The following LHPP variants were observed in gnomAD, a reference collection of about 807,000 sequenced individuals.
LHPP encodes phospholysine phosphohistidine inorganic pyrophosphate phosphatase.
LHPP carries 24 observed loss-of-function variants against 30.3 expected under a neutral mutation model. The ratio of observed to expected loss-of-function variants is 0.79; its 90% CI spans 0.57 to 1.11. The LOEUF (loss-of-function observed/expected upper bound fraction) is 1.11, where lower values mean the gene tolerates loss of function less well. LHPP is among the 50% of genes most tolerant of loss of function. The probability of loss-of-function intolerance (pLI) is 0.00; values close to 1 mark genes in which losing one functional copy is unlikely to be tolerated. For synonymous variants in LHPP, 150 were observed against 157.1 expected (o/e 0.95, Z 0.34); for missense variants, 356 against 367.2 (o/e 0.97, Z 0.25).
At chr10:124,546,044 G>A (rs1955330823) in intron 6 of LHPP, 2 of 152,060 alleles carry the variant, frequency 1.3e-5, no homozygotes, top group Admixed American at 1.3e-4. Flanking sequence ...CCAAGCTGGT[G>A]GGAAGGCCCT....
chr10:124,559,110 C>G (rs11245289), intron 6 of LHPP, among the ~76,000 whole-genome samples: 1 of 151,872 alleles, frequency 6.6e-6, no homozygotes, highest in Non-Finnish European at 1.5e-5. Context: ...CACCTATGTG[C>G]AAAGAAGTTG....
In LHPP at chr10:124,590,940, TCA is replaced by T. The variant is rs1450874654; in HGVS notation, c.717-22323_717-22322del. On this transcript the variant is annotated intron_variant, in intron 6 of 6. Coordinates refer to ENST00000368842, the MANE Select transcript of LHPP (RefSeq NM_022126.4). This position sits in a 1 kb window ranked among gnomAD's most constrained non-coding sequence, Gnocchi z 4.3. ...CTTTCCAGGAAACAGGATCCCTGTC[TCA>T]GACAGAAGCAGTCTCGCCCATCCTG... Among the ~76,000 whole-genome samples, 15 of 152,222 alleles carry T rather than the reference TCA, an allele frequency of 9.9e-5. No individual in the cohort carries two copies. The highest frequency in any genetic ancestry group is 8.5e-4 in the Admixed American group (13 of 15,288).
intron 6 of LHPP, among the ~76,000 whole-genome samples, chr10:124,604,165 T>A (rs1363940833): frequency 2.0e-5 from 3 of 152,184 alleles, no homozygotes; most frequent in Non-Finnish European, 4.4e-5. Flanking sequence ...TCTGGGCATG[T>A]CATTCCCCGA....
At chr10:124,528,703 G>GA (rs1289641108) in intron 6 of LHPP, among the ~76,000 whole-genome samples, 1 of 152,218 alleles carries the variant, frequency 6.6e-6, no homozygotes, top group African/African-American at 2.4e-5. Flanking sequence ...CTGCCCACGG[G>GA]AGGAGGCCCA....
chr10:124,561,527 GC>G (rs201382794), intron 6 of LHPP, among the ~76,000 whole-genome samples: 7 of 151,128 alleles, frequency 4.6e-5, no homozygotes, highest in Admixed American at 1.3e-4. Context: ...AAGGCTATCC[GC>G]CCCCCCCACA....
chr10:124,540,024 C>G (rs955376196), intron 6 of LHPP, among the ~76,000 whole-genome samples: 1 of 152,228 alleles, frequency 6.6e-6, no homozygotes, highest in African/African-American at 2.4e-5. Flanking sequence ...AGCAGTTACC[C>G]GCTTCTGCTC....
At chr10:124,544,325 C>T (rs1955278982) in intron 6 of LHPP, among the ~76,000 whole-genome samples, 1 of 152,226 alleles carries the variant, frequency 6.6e-6, no homozygotes, top group Non-Finnish European at 1.5e-5. Flanking sequence ...GGACTGTGCT[C>T]CCCAGAATGA....
chr10:124,594,038 A>C (rs986591475), intron 6 of LHPP, among the ~76,000 whole-genome samples: 1 of 152,162 alleles, frequency 6.6e-6, no homozygotes, highest in African/African-American at 2.4e-5. Flanking sequence ...TATTACGCAC[A>C]TTTTAAGACA....
At chr10:124,566,755 CAGAG>C in intron 6 of LHPP, among the ~76,000 whole-genome samples, 1 of 152,218 alleles carries the variant, frequency 6.6e-6, no homozygotes, top group African/African-American at 2.4e-5. Flanking sequence ...GCACCTGAGA[CAGAG>C]GGAGGAGGCT....
chr10:124,611,635 G>T (rs962800717), intron 6 of LHPP, among the ~76,000 whole-genome samples: 2 of 151,954 alleles, frequency 1.3e-5, no homozygotes, highest in East Asian at 3.9e-4. Flanking sequence ...TGTGGCCCCC[G>T]TCCAGGTCCA....
At chr10:124,485,908 G>A (rs1953310919) in intron 2 of LHPP, among the ~76,000 whole-genome samples, 1 of 152,072 alleles carries the variant, frequency 6.6e-6, no homozygotes, top group Non-Finnish European at 1.5e-5. Flanking sequence ...GTCTTACTTG[G>A]CATAGTTTTA....
intron 6 of LHPP, among the ~76,000 whole-genome samples, chr10:124,586,248 T>C (rs2133996295): frequency 6.6e-6 from 1 of 152,244 alleles, no homozygotes; most frequent in Admixed American, 6.5e-5. Context: ...GATCCCTGCG[T>C]CCCTACATTG....
At chr10:124,488,282 C>T (rs1953402234) in intron 2 of LHPP, 140 bp from the exon 3 acceptor site, 2 of 756,632 alleles carry the variant, frequency 2.6e-6, no homozygotes, top group African/African-American at 3.5e-5. Context: ...TGTCTACCTC[C>T]CATGGCAGCT....
At chr10:124,466,182 C>T (rs1482220713) in intron 1 of LHPP, among the ~76,000 whole-genome samples, 2 of 152,178 alleles carry the variant, frequency 1.3e-5, no homozygotes, top group African/African-American at 4.8e-5. Context: ...AGCAGAATAA[C>T]ATGCAGTGTA....
At chr10:124,471,118 G>T (rs1364854880) in intron 1 of LHPP, among the ~76,000 whole-genome samples, 1 of 151,964 alleles carries the variant, frequency 6.6e-6, no homozygotes, top group Non-Finnish European at 1.5e-5. Context: ...CTTCCCCAGG[G>T]TGACACAATA....
intron 6 of LHPP, among the ~76,000 whole-genome samples, chr10:124,568,506 C>T (rs1174012585): frequency 1.3e-5 from 2 of 152,218 alleles, no homozygotes; most frequent in Non-Finnish European, 2.9e-5. Context: ...TTGCTTAGCC[C>T]TGCGCTTGTG....
intron 1 of LHPP, among the ~76,000 whole-genome samples, chr10:124,470,240 T>C (rs1200723868): frequency 1.3e-5 from 2 of 151,860 alleles, no homozygotes; most frequent in African/African-American, 2.4e-5. Flanking sequence ...TGAAAGGGGG[T>C]GGGCATTTAC....
At chr10:124,465,002 G>A (rs1339001724) in intron 1 of LHPP, among the ~76,000 whole-genome samples, 1 of 152,152 alleles carries the variant, frequency 6.6e-6, no homozygotes, top group African/African-American at 2.4e-5. Flanking sequence ...CAGGCACACA[G>A]GTAAATCATC....
Position 124,576,186 on chromosome 10 carries a change from C to G in LHPP, c.717-37078C>G, listed in dbSNP as rs1948657434. Among the ~76,000 whole-genome samples, 2 of 152,122 alleles carry G rather than the reference C, an allele frequency of 1.3e-5. No individual in the cohort carries two copies. The highest frequency in any genetic ancestry group is 1.3e-4 in the Admixed American group (2 of 15,290). ...TCACATGAGATTATAATTGTACTGC[C>G]TAATAGAGTGCTCACACATGTTAAA... is the stretch of plus-strand genomic sequence containing the variant. On this transcript the variant is annotated intron_variant, in intron 6 of 6. Transcript: ENST00000368842. The surrounding 1 kb of genome is among the most constrained non-coding windows in gnomAD (Gnocchi z 4.2).
Sources: gnomAD v4.1 joint callset for allele counts (sites outside exome capture counted in the v4.1 genomes callset) on GRCh38, gnomAD v4.1.1 for gene constraint, Gnocchi (gnomAD v3.1) non-coding constraint, MANE v1.5 for transcripts, NCBI Gene and HGNC (gene_info 2026-07-23, HGNC 2026-07-21) for gene names.